SV2C: variants seen among roughly 807,000 people sequenced by gnomAD.
SV2C encodes the protein synaptic vesicle glycoprotein 2C, also known as solute carrier family 22 member B3.
In SV2C, 49 loss-of-function variants were observed where a neutral mutation model predicts 79.7. The ratio of observed to expected loss-of-function variants is 0.61; its 90% CI spans 0.49 to 0.78. SV2C has a LOEUF of 0.78. SV2C is among the 30% of genes least tolerant of loss of function. The pLI is 0.00. For missense variants in SV2C, 833 were observed against 912.9 expected (o/e 0.91, Z 1.13); for synonymous variants, 334 against 333.2 (o/e 1.00, Z -0.03).
At chr5:75,986,087 T>TAC in the SV2C span, among the ~76,000 whole-genome samples, 1 of 146,924 alleles carries the variant, frequency 6.8e-6, no homozygotes, top group Non-Finnish European at 1.5e-5. Flanking sequence ...TAAAGTCGGT[T>TAC]GTGGTAGGCC....
At chr5:76,003,601 C>T in the SV2C span, among the ~76,000 whole-genome samples, 1 of 152,008 alleles carries the variant, frequency 6.6e-6, no homozygotes, top group African/African-American at 2.4e-5. Context: ...TTTCTTTAAG[C>T]AGCATCACCC....
the SV2C span, among the ~76,000 whole-genome samples, chr5:75,995,159 G>C: frequency 5.9e-5 from 9 of 152,014 alleles, no homozygotes; most frequent in African/African-American, 1.7e-4. Flanking sequence ...TCTTTACATA[G>C]TCTATCAACT....
chr5:76,098,230 G>A lies in SV2C; in HGVS notation c.-102+14718G>A, dbSNP rs193050592. On this transcript the variant is annotated intron_variant, in intron 1 of 12. Coordinates refer to ENST00000502798, the MANE Select transcript of SV2C (RefSeq NM_014979.4). ...TTTCCTGTGGGAGTCCCCTGCCAGA[G>A]TCTTCTGTGTATAAGAGTGGGAGCC... Among the ~76,000 whole-genome samples the A allele has an allele frequency of 2.0e-5, 3 of 152,310 alleles. No homozygotes were observed. The East Asian group carries it at 5.8e-4, about 29-fold the overall frequency.
Position 76,325,593 on chromosome 5 carries a change from G to A in SV2C, c.*46G>A, listed in dbSNP as rs1326825709. On this transcript the variant is annotated 3_prime_UTR_variant, in exon 13 of 13. Transcript: ENST00000502798. ...CCTGCGTTTCTTCCTCCTGCCCTGG[G>A]TCAATTCTCCTTCCTGACTCAAGGC... is the stretch of plus-strand genomic sequence containing the variant. 1.2e-6 allele frequency: 2 copies of A among 1,600,796 alleles called. No homozygotes were observed. Among genetic ancestry groups the A allele is most frequent in the South Asian group, 1.1e-5 (1 of 89,304 alleles).
chr5:75,853,249 C>G, the SV2C span, among the ~76,000 whole-genome samples: 1 of 152,042 alleles, frequency 6.6e-6, no homozygotes, highest in Admixed American at 6.5e-5. Flanking sequence ...AACATTCCTA[C>G]CTAAACCATC....
the SV2C span, among the ~76,000 whole-genome samples, chr5:75,972,709 A>G: frequency 6.6e-6 from 1 of 152,086 alleles, no homozygotes. Context: ...AGAAACAGGA[A>G]CACTTTTACA....
the SV2C span, among the ~76,000 whole-genome samples, chr5:76,052,278 G>A: frequency 6.6e-6 from 1 of 152,158 alleles, no homozygotes; most frequent in Non-Finnish European, 1.5e-5. Context: ...TTTGAGATCA[G>A]TGTGCTTCAG....
chr5:75,871,466 C>T, the SV2C span, among the ~76,000 whole-genome samples: 1 of 151,928 alleles, frequency 6.6e-6, no homozygotes, highest in Non-Finnish European at 1.5e-5. Flanking sequence ...AGAAAGCCCC[C>T]AAAAGTAAGG....
chr5:76,247,624 C>G (rs1561282299), intron 4 of SV2C, among the ~76,000 whole-genome samples: 1 of 152,200 alleles, frequency 6.6e-6, no homozygotes, highest in Non-Finnish European at 1.5e-5. Flanking sequence ...GAGCGAATAT[C>G]AAATGCCAAG....
the SV2C span, among the ~76,000 whole-genome samples, chr5:75,950,523 A>T: frequency 6.6e-6 from 1 of 152,100 alleles, no homozygotes; most frequent in South Asian, 2.1e-4. Flanking sequence ...TTTCCTTGAG[A>T]TGGCTAAATA....
the SV2C span, among the ~76,000 whole-genome samples, chr5:75,872,421 T>C: frequency 6.6e-6 from 1 of 152,092 alleles, no homozygotes; most frequent in East Asian, 1.9e-4. Flanking sequence ...TTCCCTGGAA[T>C]GGTATTTTTT....
At chr5:76,085,352 G>A (rs1038781862) in intron 1 of SV2C, among the ~76,000 whole-genome samples, 3 of 152,046 alleles carry the variant, frequency 2.0e-5, no homozygotes, top group African/African-American at 7.3e-5. Flanking sequence ...ATAAAAATAC[G>A]CGTTAAAAAA....
chr5:75,865,810 A>G, the SV2C span, among the ~76,000 whole-genome samples: 1 of 152,212 alleles, frequency 6.6e-6, no homozygotes, highest in African/African-American at 2.4e-5. Flanking sequence ...TCTTCTATGG[A>G]AGAGGCCCTG....
chr5:75,986,841 C>T, the SV2C span, among the ~76,000 whole-genome samples: 1 of 151,932 alleles, frequency 6.6e-6, no homozygotes, highest in Non-Finnish European at 1.5e-5. Flanking sequence ...CAAGAGCCTT[C>T]GCAGATAGAG....
At chr5:75,881,292 A>T in the SV2C span, among the ~76,000 whole-genome samples, 2 of 152,226 alleles carry the variant, frequency 1.3e-5, no homozygotes, top group Non-Finnish European at 2.9e-5. Context: ...AGTAAAATGA[A>T]GAGAAAAATA....
the SV2C span, among the ~76,000 whole-genome samples, chr5:76,020,344 A>G: frequency 6.6e-6 from 1 of 152,176 alleles, no homozygotes; most frequent in South Asian, 2.1e-4. Flanking sequence ...ATTGCTATGG[A>G]CCAATGGCCA....
chr5:76,185,404 AT>A (rs968845583), intron 2 of SV2C, among the ~76,000 whole-genome samples: 19 of 152,216 alleles, frequency 1.2e-4, no homozygotes, highest in Non-Finnish European at 2.2e-4. Context: ...TGTATCCCAC[AT>A]TTTCCTTCCT....
chr5:75,854,703 T>A, the SV2C span, among the ~76,000 whole-genome samples: 2 of 152,162 alleles, frequency 1.3e-5, no homozygotes, highest in Admixed American at 1.3e-4. Flanking sequence ...TGAAGAGAAG[T>A]TTTTTCTTCT....
chr5:76,295,689 A>G, intron 8 of SV2C, 89 bp from the exon 9 acceptor site: 1 of 1,303,134 alleles, frequency 7.7e-7, no homozygotes, highest in East Asian at 2.4e-5. Context: ...TTCTCCGGGA[A>G]CTATTACCAG....
Sources: gnomAD v4.1 joint callset for allele counts (sites outside exome capture counted in the v4.1 genomes callset) on GRCh38, gnomAD v4.1.1 for gene constraint, MANE v1.5 for transcripts, NCBI Gene and HGNC (gene_info 2026-07-23, HGNC 2026-07-21) for gene names.